The following RANBP2 variants were observed in gnomAD, a reference collection of about 807,000 sequenced individuals.
RANBP2 encodes the protein E3 SUMO-protein ligase RanBP2.
Under a neutral mutation model 303.6 loss-of-function variants are expected in RANBP2, and 57 were observed. That is an observed-to-expected ratio of 0.19 (90% confidence interval 0.15 to 0.23). The LOEUF (loss-of-function observed/expected upper bound fraction) is 0.23. Ranked by LOEUF, RANBP2 falls within the 10% of genes least tolerant of loss-of-function variation. The pLI, the probability that RANBP2 is intolerant of heterozygous loss-of-function variation, is 1.00. For missense variants in RANBP2, 3,138 were observed against 3,780.8 expected, an observed-to-expected ratio of 0.83 and a Z score of 4.46; for synonymous variants, 1,167 against 1,301.5, an observed-to-expected ratio of 0.90 and a Z score of 2.23.
At chr2:109,129,381 A>G in the RANBP2 span, 3 of 1,213,588 alleles carry the variant, frequency 2.5e-6, no homozygotes, top group Non-Finnish European at 3.4e-6. Context: ...TCGGTGAGCC[A>G]CTTCGCACCG....
chr2:108,999,676 T>C, the RANBP2 span, among the ~76,000 whole-genome samples: 3 of 152,238 alleles, frequency 2.0e-5, no homozygotes, highest in African/African-American at 7.2e-5. Flanking sequence ...GGTTTCCACA[T>C]TTCCTAAATA....
chr2:109,387,300 C>T, the RANBP2 span, among the ~76,000 whole-genome samples: 3 of 152,266 alleles, frequency 2.0e-5, no homozygotes, highest in Non-Finnish European at 4.4e-5. Context: ...GCGCCAGGGC[C>T]GGGGGATCCT....
the RANBP2 span, among the ~76,000 whole-genome samples, chr2:109,671,437 G>C: frequency 6.6e-6 from 1 of 152,152 alleles, no homozygotes; most frequent in Non-Finnish European, 1.5e-5. Context: ...GCTGGGAAGG[G>C]GGAGTAGGAG....
At chr2:109,672,949 A>C in the RANBP2 span, among the ~76,000 whole-genome samples, 1 of 152,206 alleles carries the variant, frequency 6.6e-6, no homozygotes, top group African/African-American at 2.4e-5. Flanking sequence ...CTTTGTTTAT[A>C]GGTTGTTTGA....
At chr2:108,811,099 TCTTTTTTTTTTTCTTTTTTCTTTC>T in the RANBP2 span, among the ~76,000 whole-genome samples, 1 of 46,498 alleles carries the variant, frequency 2.2e-5, no homozygotes, top group African/African-American at 5.7e-5. Flanking sequence ...TTTTTTCTTT[TCTTTTTTTTTTTCTTTTTTCTTTC>T]CTTCTTCCCT....
At chr2:109,390,338 C>T in the RANBP2 span, among the ~76,000 whole-genome samples, 1 of 152,218 alleles carries the variant, frequency 6.6e-6, no homozygotes, top group Admixed American at 6.5e-5. Flanking sequence ...GGTCCTTCTG[C>T]TCACAGGACA....
chr2:109,683,394 A>G, the RANBP2 span, among the ~76,000 whole-genome samples: 1 of 152,160 alleles, frequency 6.6e-6, no homozygotes, highest in Non-Finnish European at 1.5e-5. Flanking sequence ...ATACATTTGC[A>G]TGCCTTTTCT....
chr2:108,803,529 C>T, the RANBP2 span, among the ~76,000 whole-genome samples: 1 of 152,200 alleles, frequency 6.6e-6, no homozygotes, highest in Non-Finnish European at 1.5e-5. Context: ...TCATAGCTCA[C>T]TGCACCCTCA....
At chr2:109,012,697 G>A in the RANBP2 span, among the ~76,000 whole-genome samples, 21 of 152,230 alleles carry the variant, frequency 1.4e-4, no homozygotes, top group Non-Finnish European at 2.2e-4. Flanking sequence ...GGTGGATCAC[G>A]AGGTCAGGAG....
At chr2:109,050,963 C>T in the RANBP2 span, among the ~76,000 whole-genome samples, 3 of 152,134 alleles carry the variant, frequency 2.0e-5, no homozygotes, top group Non-Finnish European at 4.4e-5. Context: ...CCTCACTAAA[C>T]ATCTGATGAT....
At chr2:109,265,331 A>G in the RANBP2 span, among the ~76,000 whole-genome samples, 3 of 152,194 alleles carry the variant, frequency 2.0e-5, no homozygotes, top group Non-Finnish European at 2.9e-5. Context: ...GAAAACAAGC[A>G]AAATACTGCA....
At chr2:109,546,106 G>A in the RANBP2 span, 2 of 1,609,894 alleles carry the variant, frequency 1.2e-6, no homozygotes, top group Non-Finnish European at 8.5e-7. Flanking sequence ...AGGACTGGCT[G>A]TGAAATATCT....
At chr2:109,380,068 G>A in the RANBP2 span, among the ~76,000 whole-genome samples, 9 of 152,132 alleles carry the variant, frequency 5.9e-5, no homozygotes, top group South Asian at 2.1e-4. Context: ...GACTCCAGTC[G>A]CATTCATGGT....
the RANBP2 span, chr2:108,930,325 G>C: frequency 6.3e-7 from 1 of 1,584,684 alleles, no homozygotes; most frequent in Non-Finnish European, 8.7e-7. Context: ...GTTGACATAG[G>C]AAGGGGGTGC....
the RANBP2 span, among the ~76,000 whole-genome samples, chr2:109,040,752 A>G: frequency 6.6e-6 from 1 of 152,166 alleles, no homozygotes; most frequent in Non-Finnish European, 1.5e-5. Context: ...AATTTTAATT[A>G]AATTTAATCT....
At chr2:109,194,405 C>T in the RANBP2 span, among the ~76,000 whole-genome samples, 1 of 152,232 alleles carries the variant, frequency 6.6e-6, no homozygotes, top group African/African-American at 2.4e-5. Flanking sequence ...GGCCTCAACC[C>T]CTGCCATCCA....
At chr2:109,559,649 T>G in the RANBP2 span, among the ~76,000 whole-genome samples, 1 of 152,248 alleles carries the variant, frequency 6.6e-6, no homozygotes, top group Non-Finnish European at 1.5e-5. Context: ...GGGGGCTACC[T>G]CTCCCCCATG....
the RANBP2 span, among the ~76,000 whole-genome samples, chr2:109,528,420 G>A: frequency 8.5e-5 from 13 of 152,362 alleles, no homozygotes; most frequent in African/African-American, 1.9e-4. Context: ...GGAAAGTGTC[G>A]TCAGAGCCCA....
rs1289747818 is a variant in RANBP2, at chr2:108,783,615, A to G, written c.9389A>G (p.His3130Arg). 4 of 1,611,618 alleles carry G rather than the reference A, an allele frequency of 2.5e-6. No individual in the cohort carries two copies. Among genetic ancestry groups the G allele is most frequent in the Non-Finnish European group, 2.5e-6 (3 of 1,178,484 alleles). The change falls in exon 29 of 29, where the codon CAT becomes CGT. Residue 3130 changes from histidine to arginine, a missense_variant. Coordinates refer to ENST00000283195, the MANE Select transcript of RANBP2 (RefSeq NM_006267.5). Reference sequence around the variant, plus strand: ...TTTCAGGGAGGAGATATCACCAAACATGATGGAACAGGCGGACAGTCCATT... The same window carrying G: ...TTTCAGGGAGGAGATATCACCAAACGTGATGGAACAGGCGGACAGTCCATT... ...FVCQGGDITK[H>R]DGTGGQSIYG...
Sources: allele counts gnomAD v4.1 joint callset (sites outside exome capture counted in the v4.1 genomes callset), GRCh38; gene constraint gnomAD v4.1.1; transcripts MANE v1.5; gene names NCBI Gene and HGNC (gene_info 2026-07-23, HGNC 2026-07-21).